TRPM3: variants seen among roughly 807,000 people sequenced by gnomAD.
TRPM3 encodes the protein long transient receptor potential channel 3.
A neutral mutation model predicts 181.2 loss-of-function variants in TRPM3; 77 were observed. The ratio of observed to expected loss-of-function variants is 0.42; its 90% CI spans 0.35 to 0.51. The LOEUF is 0.51. Among genes scored for constraint, TRPM3 ranks in the 20% least tolerant of loss-of-function variants. TRPM3 has a pLI of 0.01. For synonymous variants in TRPM3, 745 were observed against 796.4 expected (o/e 0.94, Z 1.09); for missense variants, 1,759 against 2,196.7 (o/e 0.80, Z 3.98).
Position 71,371,992 on chromosome 9 carries a change from C to G in TRPM3, c.183+74661G>C, listed in dbSNP as rs113453811. On this transcript the variant is annotated intron_variant, in intron 1 of 24. Transcript: ENST00000357533. The stretch of plus-strand genomic sequence containing the variant: ...ATGCTCTCCCTTCCCACATCCCCCC[C>G]ACAGGTGCCCAGTGTGTGTTGTTCC... 1.1e-3 allele frequency among the ~76,000 whole-genome samples: 175 copies of G among 152,208 alleles called. 1 individual carries two copies. Among genetic ancestry groups the G allele is most frequent in the African/African-American group, 3.4e-3 (141 of 41,518 alleles).
At chr9:70,738,094 C>T (rs754959574) in intron 8 of TRPM3, among the ~76,000 whole-genome samples, 1 of 152,136 alleles carries the variant, frequency 6.6e-6, no homozygotes, top group Admixed American at 6.5e-5. Context: ...GCACATGGAA[C>T]ATTCTCCAAG....
chr9:70,907,415 G>C (rs1197141739), intron 1 of TRPM3, among the ~76,000 whole-genome samples: 2 of 152,202 alleles, frequency 1.3e-5, no homozygotes, highest in East Asian at 3.8e-4. Flanking sequence ...AGTAAGTGCT[G>C]AAGTGCTGTG....
chr9:70,611,288 C>T (rs935930748), intron 18 of TRPM3, among the ~76,000 whole-genome samples: 2 of 152,112 alleles, frequency 1.3e-5, no homozygotes, highest in Admixed American at 1.3e-4. Context: ...GCTCTGTGTC[C>T]CCACCCAAAT....
rs200786804 is a variant in TRPM3, at chr9:70,536,176, C to A, written c.4937G>T (p.Arg1646Leu). The change falls in exon 26 of 26, where the codon CGC becomes CTC. Residue 1646 changes from arginine (R) to leucine (L), a missense_variant. Arg to Leu is a moderately radical substitution (Grantham distance 102). Around this residue, in one of 8 missense-constraint regions of TRPM3, gnomAD observed 612 missense variants for 590.0 expected, o/e 1.04. Coordinates refer to ENST00000677713, the MANE Select transcript of TRPM3 (RefSeq NM_001366145.2). ...CTCCTCTGCCGAGTAGCTGTTGGCG[C>A]GCTCTATCTTGGGAACAGTGATGTT... ...SNNITVPKIE[R>L]ANSYSAEEPS... 6.2e-7 allele frequency: 1 copy of A among 1,614,156 alleles called. No individual in the cohort carries two copies. Among genetic ancestry groups the A allele is most frequent in the Non-Finnish European group, 8.5e-7 (1 of 1,180,026 alleles).
In TRPM3 at chr9:70,811,248, T is replaced by C. The variant is rs2091974226; in HGVS notation, c.973+16599A>G. The stretch of plus-strand genomic sequence containing the variant: ...AGAGAGAAAAACGGCAGGCATCCTG[T>C]CAAAAAATAAAATCTTTGAAATTTC... On this transcript the variant is annotated intron_variant, in intron 6 of 25. Transcript: ENST00000677713. 11 of 1,603,354 alleles carry C rather than the reference T, an allele frequency of 6.9e-6. No homozygotes were observed. The East Asian group carries it at 2.2e-4, about 33-fold the overall frequency.
intron 1 of TRPM3, among the ~76,000 whole-genome samples, chr9:71,221,383 T>C (rs191235561): frequency 6.6e-6 from 1 of 152,354 alleles, no homozygotes; most frequent in East Asian, 1.9e-4. Context: ...ATCACATAAA[T>C]ACATATAAGT....
intron 9 of TRPM3, among the ~76,000 whole-genome samples, chr9:70,662,507 C>G (rs2061272719): frequency 6.6e-6 from 1 of 152,008 alleles, no homozygotes; most frequent in African/African-American, 2.4e-5. Flanking sequence ...CAACAAAGGT[C>G]TAGAATCCAG....
intron 1 of TRPM3, among the ~76,000 whole-genome samples, chr9:71,192,942 A>G (rs1168248409): frequency 1.3e-5 from 2 of 151,904 alleles, no homozygotes; most frequent in African/African-American, 4.8e-5. Context: ...CCAAGACATC[A>G]TGCTGTCAAA....
At chr9:70,800,738 A>G (rs1403620711) in intron 6 of TRPM3, among the ~76,000 whole-genome samples, 2 of 152,236 alleles carry the variant, frequency 1.3e-5, no homozygotes, top group African/African-American at 4.8e-5. Context: ...TATATAATAT[A>G]CAAAATATGT....
chr9:71,195,566 A>T (rs2078298362), intron 1 of TRPM3, among the ~76,000 whole-genome samples: 1 of 152,240 alleles, frequency 6.6e-6, no homozygotes, highest in East Asian at 1.9e-4. Flanking sequence ...TCAAAGAGCT[A>T]AAAATAGAAC....
Position 71,112,913 on chromosome 9 carries a change from G to T in TRPM3, c.177+8265C>A, listed in dbSNP as rs141332866. 3.1e-3 allele frequency among the ~76,000 whole-genome samples: 470 copies of T among 152,256 alleles called. 2 individuals carry two copies. The highest frequency in any genetic ancestry group is 0.011 in the African/African-American group (453 of 41,568). On this transcript the variant is annotated intron_variant, in intron 1 of 25. Coordinates refer to ENST00000677713, the MANE Select transcript of TRPM3 (RefSeq NM_001366145.2). ...TTAGCTAGGAGAAGGTCTGGTGCAG[G>T]TTTTCCAGGCAGTAGAAATAAGTCA...
chr9:70,962,001 A>C (rs1217836076), intron 1 of TRPM3, among the ~76,000 whole-genome samples: 1 of 152,192 alleles, frequency 6.6e-6, no homozygotes, highest in Non-Finnish European at 1.5e-5. Context: ...AAAATTAGGA[A>C]ATAGAAAACA....
intron 1 of TRPM3, among the ~76,000 whole-genome samples, chr9:71,331,836 G>GGAGGAGGAGGAAGAAGAGGAGAC (rs2090173741): frequency 3.0e-4 from 9 of 29,584 alleles, no homozygotes; most frequent in Non-Finnish European, 3.8e-4. Context: ...GAAGAGGAGA[G>GGAGGAGGAGGAAGAAGAGGAGAC]GGAGGAGGAG....
intron 1 of TRPM3, among the ~76,000 whole-genome samples, chr9:71,034,118 A>G (rs761555521): frequency 1.3e-5 from 2 of 152,180 alleles, no homozygotes; most frequent in Non-Finnish European, 2.9e-5. Flanking sequence ...CAATGTTACA[A>G]CAAATCGACA....
At chr9:70,657,541 C>T (rs1589882977) in intron 9 of TRPM3, among the ~76,000 whole-genome samples, 1 of 152,122 alleles carries the variant, frequency 6.6e-6, no homozygotes, top group African/African-American at 2.4e-5. Flanking sequence ...ACTGGCCTAA[C>T]TGGCCTAACA....
intron 5 of TRPM3, among the ~76,000 whole-genome samples, chr9:70,842,766 G>A (rs35922622): frequency 0.057 from 8,691 of 152,084 alleles, 260 homozygotes; most frequent in Middle Eastern, 0.088. Flanking sequence ...GCAGAGAGGG[G>A]GTAGGTGGTA....
chr9:70,951,886 G>C (rs1457391008), intron 1 of TRPM3, among the ~76,000 whole-genome samples: 1 of 152,182 alleles, frequency 6.6e-6, no homozygotes, highest in Non-Finnish European at 1.5e-5. Flanking sequence ...CTGATCAACT[G>C]AACAGAGCTT....
At chr9:71,218,369 A>C (rs1565352887) in intron 1 of TRPM3, among the ~76,000 whole-genome samples, 3 of 152,208 alleles carry the variant, frequency 2.0e-5, no homozygotes, top group Non-Finnish European at 4.4e-5. Flanking sequence ...AACATACTGT[A>C]TTAGGTAGAT....
chr9:70,543,640 T>A (rs947904510), intron 25 of TRPM3, among the ~76,000 whole-genome samples: 2 of 152,194 alleles, frequency 1.3e-5, no homozygotes, highest in Non-Finnish European at 2.9e-5. Context: ...GTAATAGCTA[T>A]GTTTCTGTCA....
Sources: gnomAD v4.1 joint callset for allele counts (sites outside exome capture counted in the v4.1 genomes callset) on GRCh38, gnomAD v4.1.1 for gene constraint, gnomAD v4.1.1 regional missense constraint, MANE v1.5 for transcripts, NCBI Gene and HGNC (gene_info 2026-07-23, HGNC 2026-07-21) for gene names.